The following PDE7B variants were observed in gnomAD, a reference collection of about 807,000 sequenced individuals.
The protein encoded by PDE7B is phosphodiesterase 7B.
A neutral mutation model predicts 56.2 loss-of-function variants in PDE7B; 29 were observed. That is an observed-to-expected ratio of 0.52 (90% CI 0.38 to 0.70). PDE7B has a LOEUF of 0.70. PDE7B is among the 30% of genes least tolerant of loss of function. PDE7B has a pLI of 0.00. For missense variants in PDE7B, 490 were observed against 565.0 expected (o/e 0.87, Z 1.35); for synonymous variants, 197 against 196.9 (o/e 1.00, Z 0.00).
intron 2 of PDE7B, chr6:136,096,376 A>G (rs1283025235): frequency 6.7e-6 from 1 of 149,206 alleles, no homozygotes; most frequent in Non-Finnish European, 1.5e-5. Context: ...TCAAAGTTCA[A>G]AAAAACAAGA....
intron 3 of PDE7B, among the ~76,000 whole-genome samples, chr6:136,138,524 G>T: frequency 6.6e-6 from 1 of 151,734 alleles, no homozygotes; most frequent in South Asian, 2.1e-4. Flanking sequence ...ATTTTTTCTT[G>T]GATTGTTGCA....
intron 3 of PDE7B, among the ~76,000 whole-genome samples, chr6:136,144,029 A>G (rs529872675): frequency 6.6e-6 from 1 of 152,212 alleles, no homozygotes; most frequent in Admixed American, 6.5e-5. Flanking sequence ...AATATGAAAA[A>G]AAGGAAAAGA....
intron 2 of PDE7B, among the ~76,000 whole-genome samples, chr6:135,951,494 T>C (rs1387833729): frequency 6.6e-6 from 1 of 152,188 alleles, no homozygotes; most frequent in African/African-American, 2.4e-5. Context: ...AAAGAAATTA[T>C]GTAAAATGAT....
intron 2 of PDE7B, among the ~76,000 whole-genome samples, chr6:136,020,811 A>G (rs1360051206): frequency 6.6e-6 from 1 of 152,122 alleles, no homozygotes; most frequent in South Asian, 2.1e-4. Flanking sequence ...ACTTTTGGGC[A>G]TAAGTACTTG....
At chr6:136,181,196 C>T (rs2128451250) in intron 10 of PDE7B, 31 bp from the exon 11 acceptor site, 1 of 1,534,592 alleles carries the variant, frequency 6.5e-7, no homozygotes, top group South Asian at 1.1e-5. Flanking sequence ...AACATCCTCT[C>T]ACAATTTCTC....
intron 1 of PDE7B, among the ~76,000 whole-genome samples, chr6:135,863,778 G>A (rs1217466217): frequency 6.7e-6 from 1 of 149,238 alleles, no homozygotes; most frequent in African/African-American, 2.5e-5. Context: ...GTGGTTGCAT[G>A]CCTTATCATT....
intron 1 of PDE7B, among the ~76,000 whole-genome samples, chr6:135,886,647 C>T (rs936605450): frequency 2.0e-5 from 3 of 152,146 alleles, no homozygotes; most frequent in African/African-American, 7.2e-5. Flanking sequence ...TGAGCTACTT[C>T]ACTTAGAATA....
At chr6:136,080,046 G>T (rs554530861) in intron 2 of PDE7B, among the ~76,000 whole-genome samples, 2 of 152,098 alleles carry the variant, frequency 1.3e-5, no homozygotes, top group African/African-American at 2.4e-5. Flanking sequence ...TAGATCTTAC[G>T]CTATCACGAG....
intron 2 of PDE7B, among the ~76,000 whole-genome samples, chr6:136,023,634 T>C (rs1474307622): frequency 6.6e-6 from 1 of 152,220 alleles, no homozygotes; most frequent in African/African-American, 2.4e-5. Flanking sequence ...GAAAGCTAGC[T>C]ATTTTTTGAC....
At position 136,187,049 on chromosome 6, in the gene PDE7B, GAAATT is replaced by G; in HGVS notation, c.1060_1064del (p.Lys354Ter). 1 of 1,569,762 alleles carries G rather than the reference GAAATT, an allele frequency of 6.4e-7. No homozygotes were observed. Among genetic ancestry groups the G allele is most frequent in the Non-Finnish European group, 8.8e-7 (1 of 1,141,468 alleles). Reference sequence around the variant, plus strand: ...CTTTCTTCTTAGGTGAACTTGAACAGAAATTTGAACTGGAAATCAGTCCTCTTTGT... The same window carrying G: ...CTTTCTTCTTAGGTGAACTTGAACAGTGAACTGGAAATCAGTCCTCTTTGT... On this transcript the variant is annotated frameshift_variant, in exon 12 of 13. Transcript: ENST00000308191. LOFTEE classifies it high-confidence loss of function.
At chr6:136,172,349 A>G (rs959780253) in intron 8 of PDE7B, among the ~76,000 whole-genome samples, 11 of 152,324 alleles carry the variant, frequency 7.2e-5, no homozygotes, top group South Asian at 4.1e-4. Flanking sequence ...GTGAGATGGT[A>G]TCTCACTGTG....
At chr6:135,995,679 G>A (rs1775552673) in intron 2 of PDE7B, among the ~76,000 whole-genome samples, 2 of 152,172 alleles carry the variant, frequency 1.3e-5, no homozygotes, top group South Asian at 4.1e-4. Context: ...CTGCTTAGCT[G>A]ATTAGTCTGA....
chr6:136,168,423 G>C (rs547769723), intron 8 of PDE7B, among the ~76,000 whole-genome samples: 1 of 152,180 alleles, frequency 6.6e-6, no homozygotes, highest in Admixed American at 6.5e-5. Flanking sequence ...AGCTCCTTGA[G>C]AGCAGAGATT....
chr6:136,066,947 C>T (rs1398695571), intron 2 of PDE7B, among the ~76,000 whole-genome samples: 1 of 151,858 alleles, frequency 6.6e-6, no homozygotes, highest in Non-Finnish European at 1.5e-5. Context: ...CCTAGAACTC[C>T]TGGCCGCAAG....
intron 8 of PDE7B, among the ~76,000 whole-genome samples, chr6:136,166,800 A>G (rs1778801179): frequency 6.6e-6 from 1 of 152,152 alleles, no homozygotes; most frequent in South Asian, 2.1e-4. Flanking sequence ...TACCCCTACC[A>G]AAGTCTGTTG....
chr6:135,897,139 C>T (rs1775916592), intron 1 of PDE7B, among the ~76,000 whole-genome samples: 1 of 152,094 alleles, frequency 6.6e-6, no homozygotes. Flanking sequence ...AGGTAAGAAA[C>T]CTGTCTTTGT....
rs1417146562 is a variant in PDE7B, at chr6:136,191,602, T to C, written c.1127-12T>C. The C allele has an allele frequency of 6.2e-7, 1 of 1,610,768 alleles. No individual in the cohort carries two copies. The highest frequency in any genetic ancestry group is 1.3e-5 in the African/African-American group (1 of 74,804). ...CACGCTGTGATGCTGAGCCTTGACT[T>C]GCCTGTTCTAGGTTTCATGAGCTAC... On this transcript the variant is annotated splice_polypyrimidine_tract_variant and intron_variant, in intron 12 of 12. Transcript: ENST00000308191.
intron 3 of PDE7B, among the ~76,000 whole-genome samples, chr6:136,132,171 T>C (rs1778129465): frequency 6.6e-6 from 1 of 152,148 alleles, no homozygotes; most frequent in South Asian, 2.1e-4. Context: ...TGAAACTCCA[T>C]ACCCCTTGAA....
At position 135,851,867 on chromosome 6, in the gene PDE7B, T is replaced by C. The variant is rs1169479170; in HGVS notation, c.-132T>C. The C allele has an allele frequency of 3.3e-6, 2 of 611,284 alleles. No individual in the cohort carries two copies. The highest frequency in any genetic ancestry group is 5.9e-6 in the Non-Finnish European group (2 of 340,892). The allele number at this position is 611,284 out of a possible 1,614,324, so 37.9% of individuals were successfully genotyped here. On this transcript the variant is annotated 5_prime_UTR_variant, in exon 1 of 13. Transcript: ENST00000308191. The stretch of plus-strand genomic sequence containing the variant: ...TCTTTTCCTTTTTTTTCTTTTTTTT[T>C]TTTTGTTACTTAATTATATTCCTAA...
Sources: allele counts gnomAD v4.1 joint callset (sites outside exome capture counted in the v4.1 genomes callset), GRCh38; gene constraint gnomAD v4.1.1; transcripts MANE v1.5; gene names NCBI Gene and HGNC (gene_info 2026-07-23, HGNC 2026-07-21).